Variants in PDCD6IP observed in about 807,000 individuals in gnomAD.
The protein encoded by PDCD6IP is programmed cell death 6-interacting protein.
PDCD6IP carries 43 observed loss-of-function variants against 103.7 expected under a neutral mutation model. That is an observed-to-expected ratio of 0.41 (90% CI 0.32 to 0.53). The LOEUF (loss-of-function observed/expected upper bound fraction) is 0.53, where lower values mean the gene tolerates loss of function less well. Ranked by LOEUF, PDCD6IP falls within the 20% of genes least tolerant of loss-of-function variation. The pLI is 0.16. For synonymous variants in PDCD6IP, 354 were observed against 378.7 expected (o/e 0.93, Z 0.76); for missense variants, 871 against 1,036.7 (o/e 0.84, Z 2.20).
intron 5 of PDCD6IP, 43 bp from the exon 6 acceptor site, chr3:33,826,437 A>G (rs201982195): frequency 6.2e-4 from 822 of 1,331,800 alleles, no homozygotes; most frequent in Non-Finnish European, 7.8e-4. Flanking sequence ...ATGTCAGATT[A>G]GCTCATATTT....
chr3:33,812,126 G>C lies in PDCD6IP; in HGVS notation c.264G>C (p.Gln88His). 6.9e-6 allele frequency: 11 copies of C among 1,600,042 alleles called. No individual in the cohort carries two copies. Among genetic ancestry groups the C allele is most frequent in the Non-Finnish European group, 9.4e-6 (11 of 1,173,360 alleles). The change falls in exon 2 of 18, where the codon CAG becomes CAC. Residue 88 changes from glutamine (Q) to histidine (H), a missense_variant and splice_region_variant. Physicochemically the swap from Gln to His is conservative, Grantham distance 24. Transcript: ENST00000307296. The part of the protein sequence containing the change: ...IEPKFPFSEN[Q>H]ICLTFTWKDA... ...CCAAATTCCCATTTTCTGAAAATCA[G>C]GTAAGTCATTAATTCTGTCTTAAAA...
chr3:33,836,796 T>A (rs1157115153), intron 8 of PDCD6IP, among the ~76,000 whole-genome samples: 1 of 149,136 alleles, frequency 6.7e-6, no homozygotes, highest in Non-Finnish European at 1.5e-5. Flanking sequence ...GAGGTGGAGG[T>A]TGCAGTGAGC....
At chr3:33,801,938 A>G (rs1696484375) in intron 1 of PDCD6IP, among the ~76,000 whole-genome samples, 1 of 152,204 alleles carries the variant, frequency 6.6e-6, no homozygotes, top group Non-Finnish European at 1.5e-5. Flanking sequence ...CTTAACAATC[A>G]TGTATGCAGT....
Position 33,845,518 on chromosome 3 carries a change from G to C in PDCD6IP, c.1571G>C (p.Cys524Ser), listed in dbSNP as rs369799746. ...CATCGTGACACCATCGTGCTTTTGT[G>C]TAAGCCAGAGCCTGAGCTGAATGCT... ...QSHRDTIVLL[C>S]KPEPELNAAI... is the part of the protein sequence containing the mutation. Residue 524 changes from cysteine (C) to serine (S), a missense_variant, in exon 12 of 18, where the codon TGT (cysteine) becomes TCT (serine). Around this residue, in one of 5 missense-constraint regions of PDCD6IP, gnomAD observed 266 missense variants for 390.5 expected, o/e 0.68. Coordinates refer to ENST00000307296, the MANE Select transcript of PDCD6IP (RefSeq NM_013374.6). 358 of 1,613,840 alleles carry C rather than the reference G, an allele frequency of 2.2e-4. No homozygotes were observed. Among genetic ancestry groups the C allele is most frequent in the Non-Finnish European group, 2.9e-4 (345 of 1,179,888 alleles).
At position 33,866,736 on chromosome 3, in the gene PDCD6IP, G is replaced by A. The variant is rs1575952545; in HGVS notation, c.*211G>A. 1 of 394,188 alleles carries A rather than the reference G, an allele frequency of 2.5e-6. No homozygotes were observed. Among genetic ancestry groups the A allele is most frequent in the South Asian group, 1.3e-4 (1 of 7,776 alleles). 24.4% of individuals were successfully genotyped at this position (394,188 alleles called of 1,614,324 possible). ...TGCTGCTGTTGCAGTATAAACACTA[G>A]GTATAATAGGATTTGAAATTGCATT... On this transcript the variant is annotated 3_prime_UTR_variant, in exon 18 of 18. Transcript: ENST00000307296.
chr3:33,825,199 G>A lies in PDCD6IP; in HGVS notation c.475G>A (p.Ala159Thr), dbSNP rs767156263. The A allele has an allele frequency of 6.2e-7, 1 of 1,608,940 alleles. No homozygotes were observed. The highest frequency in any genetic ancestry group is 8.5e-7 in the Non-Finnish European group (1 of 1,178,884). The change falls in exon 5 of 18, where the codon GCC (alanine) becomes ACC (threonine). Residue 159 changes from alanine (A) to threonine (T), a missense_variant. Transcript: ENST00000307296. ...TTCCCCCCTTTAGTTTGCTAGTGGT[G>A]CCTTTTTACATATTAAAGAGACGGT... ...AAKHYQFASG[A>T]FLHIKETVLS...
rs1314738603 is a variant in PDCD6IP, at chr3:33,865,366, C to T, written c.2368C>T (p.Pro790Ser). 6.2e-7 allele frequency: 1 copy of T among 1,601,198 alleles called. No homozygotes were observed. The change falls in exon 17 of 18, where the codon CCT (proline) becomes TCT (serine). Residue 790 changes from proline to serine, a missense_variant. Around this residue, in one of 5 missense-constraint regions of PDCD6IP, gnomAD observed 202 missense variants for 205.2 expected, o/e 0.98. Transcript: ENST00000307296. Reference protein sequence around the residue: ...GTAAPAPSQTPGSAPPPQAQG... With the variant: ...GTAAPAPSQTSGSAPPPQAQG... ...TGCTGCGCCAGCTCCATCACAAACG[C>T]CTGGCTCAGCTCCTCCTCCACAGGC...
chr3:33,826,368 C>G (rs2125556973), intron 5 of PDCD6IP, 112 bp from the exon 6 acceptor site: 1 of 698,540 alleles, frequency 1.4e-6, no homozygotes, highest in Non-Finnish European at 2.3e-6. Context: ...GTGATTTCAT[C>G]AAGAAAGATG....
Position 33,847,021 on chromosome 3 carries a change from T to C in PDCD6IP, c.1641+1433T>C, listed in dbSNP as rs1355638523. Among the ~76,000 whole-genome samples, 6 of 152,328 alleles carry C rather than the reference T, an allele frequency of 3.9e-5. 1 individual carries two copies. Among genetic ancestry groups the C allele is most frequent in the Middle Eastern group, 3.4e-3 (1 of 294 alleles). On this transcript the variant is annotated intron_variant, in intron 12 of 17. Transcript: ENST00000307296. ...GGAACAAGGAATGTGAGTTATTGTT[T>C]TGAGGACATAGGGGAGAAAAGGAGG... is the stretch of plus-strand genomic sequence containing the variant.
chr3:33,803,759 G>C (rs1696530356), intron 1 of PDCD6IP, among the ~76,000 whole-genome samples: 1 of 151,948 alleles, frequency 6.6e-6, no homozygotes, highest in Admixed American at 6.5e-5. Flanking sequence ...TAAAACCAAG[G>C]CTTTTTGGTT....
At chr3:33,857,337 C>G (rs533966919) in intron 15 of PDCD6IP, among the ~76,000 whole-genome samples, 2 of 152,002 alleles carry the variant, frequency 1.3e-5, no homozygotes, top group Non-Finnish European at 2.9e-5. Context: ...TGCACCACCA[C>G]GCCTGGCTAA....
chr3:33,853,180 C>T (rs1386888782), intron 13 of PDCD6IP, among the ~76,000 whole-genome samples: 2 of 152,128 alleles, frequency 1.3e-5, no homozygotes, highest in Admixed American at 6.5e-5. Flanking sequence ...GCCTTGGCCT[C>T]CCAAAGTGCT....
At chr3:33,856,168 C>T (rs940863755) in intron 15 of PDCD6IP, among the ~76,000 whole-genome samples, 2 of 152,188 alleles carry the variant, frequency 1.3e-5, no homozygotes, top group African/African-American at 4.8e-5. Context: ...ACAGTTTCAT[C>T]CTGAAATCAT....
intron 17 of PDCD6IP, 116 bp from the exon 18 acceptor site, chr3:33,866,235 T>C: frequency 1.5e-6 from 1 of 664,238 alleles, no homozygotes; most frequent in Non-Finnish European, 2.4e-6. Context: ...CCACTGTTCT[T>C]TAATAGACTA....
Position 33,798,832 on chromosome 3 carries a change from A to G in PDCD6IP, c.104A>G (p.Glu35Gly), listed in dbSNP as rs1185549143. The G allele has an allele frequency of 6.4e-7, 1 of 1,559,208 alleles. No individual in the cohort carries two copies. Among genetic ancestry groups the G allele is most frequent in the Non-Finnish European group, 8.7e-7 (1 of 1,151,760 alleles). ...IQQTYPSGGE[E>G]QAQYCRAAEE... ...CAGACTTACCCAAGCGGCGGGGAAG[A>G]GCAGGCCCAGTACTGCCGCGCGGCG... Residue 35 changes from glutamate to glycine, a missense_variant, in exon 1 of 18, where the codon GAG (glutamate) becomes GGG (glycine). Physicochemically the swap from Glu to Gly is moderately conservative, Grantham distance 98 (BLOSUM62 -2). Coordinates refer to ENST00000307296, the MANE Select transcript of PDCD6IP (RefSeq NM_013374.6).
At chr3:33,865,904 A>G (rs550444389) in intron 17 of PDCD6IP, among the ~76,000 whole-genome samples, 2 of 152,292 alleles carry the variant, frequency 1.3e-5, no homozygotes, top group Admixed American at 1.3e-4. Context: ...ACATTTGACT[A>G]CCTTTTAAGA....
At chr3:33,800,037 G>A (rs1387367201) in intron 1 of PDCD6IP, among the ~76,000 whole-genome samples, 7 of 146,936 alleles carry the variant, frequency 4.8e-5, no homozygotes, top group Non-Finnish European at 1.0e-4. Context: ...GGAGAATGGT[G>A]TGAACCTGGG....
intron 8 of PDCD6IP, among the ~76,000 whole-genome samples, chr3:33,837,010 T>C (rs1697364507): frequency 6.6e-6 from 1 of 151,990 alleles, no homozygotes; most frequent in Admixed American, 6.6e-5. Flanking sequence ...AACCTCTGCC[T>C]CCTGGGTTCA....
chr3:33,861,487 C>T (rs1697954005), intron 15 of PDCD6IP, among the ~76,000 whole-genome samples: 1 of 152,116 alleles, frequency 6.6e-6, no homozygotes, highest in Non-Finnish European at 1.5e-5. Flanking sequence ...AGAGTAGCCA[C>T]ATTTCAGATG....
Sources: allele counts gnomAD v4.1 joint callset (sites outside exome capture counted in the v4.1 genomes callset), GRCh38; gene constraint gnomAD v4.1.1; regional missense constraint gnomAD v4.1.1; transcripts MANE v1.5; gene names NCBI Gene and HGNC (gene_info 2026-07-23, HGNC 2026-07-21).